The following EPB41L4A variants were observed in gnomAD, a reference collection of about 807,000 sequenced individuals.
EPB41L4A encodes the protein band 4.1-like protein 4A.
EPB41L4A carries 100 observed loss-of-function variants against 108.6 expected under a neutral mutation model. That is an observed-to-expected ratio of 0.92 (90% CI 0.78 to 1.09). The LOEUF is 1.09. EPB41L4A is among the 50% of genes least tolerant of loss of function. The pLI, the probability that EPB41L4A is intolerant of heterozygous loss-of-function variation, is 0.00. For missense variants in EPB41L4A, 1,030 were observed against 842.7 expected (o/e 1.22, Z -2.75); for synonymous variants, 319 against 289.0 (o/e 1.10, Z -1.05).
chr5:112,386,261 C>T (rs1026481640), intron 1 of EPB41L4A, among the ~76,000 whole-genome samples: 5 of 152,180 alleles, frequency 3.3e-5, no homozygotes, highest in African/African-American at 1.2e-4. Flanking sequence ...TAAACCCAGC[C>T]TACAAAATGG....
intron 4 of EPB41L4A, among the ~76,000 whole-genome samples, chr5:112,266,652 C>G (rs1751883908): frequency 6.6e-6 from 1 of 152,192 alleles, no homozygotes; most frequent in South Asian, 2.1e-4. Context: ...AAAACTGGAA[C>G]AGTTGACAGC....
intron 1 of EPB41L4A, among the ~76,000 whole-genome samples, chr5:112,338,153 A>T (rs1178665027): frequency 6.6e-6 from 1 of 152,122 alleles, no homozygotes; most frequent in Non-Finnish European, 1.5e-5. Flanking sequence ...GCCCATGAAT[A>T]CAGTGAAATT....
chr5:112,364,609 C>T (rs765713101), intron 1 of EPB41L4A, among the ~76,000 whole-genome samples: 2 of 152,174 alleles, frequency 1.3e-5, no homozygotes, highest in Non-Finnish European at 2.9e-5. Flanking sequence ...AAAAGAAAAT[C>T]ATGCTATAGT....
At chr5:112,170,410 G>A (rs771588577) in intron 19 of EPB41L4A, 41 bp from the exon 20 acceptor site, 11 of 1,278,524 alleles carry the variant, frequency 8.6e-6, no homozygotes, top group Non-Finnish European at 1.1e-5. Flanking sequence ...TGTGGTGCTG[G>A]TATAAATGCT....
At chr5:112,204,989 C>A (rs1169549424) in intron 14 of EPB41L4A, among the ~76,000 whole-genome samples, 1 of 152,132 alleles carries the variant, frequency 6.6e-6, no homozygotes, top group Non-Finnish European at 1.5e-5. Flanking sequence ...AGGTCTGTCA[C>A]TGGTTTGGTA....
At chr5:112,406,497 T>G (rs1310021466) in intron 1 of EPB41L4A, among the ~76,000 whole-genome samples, 1 of 152,124 alleles carries the variant, frequency 6.6e-6, no homozygotes, top group African/African-American at 2.4e-5. Context: ...CCATCTCTTA[T>G]GTAATTTTTT....
chr5:112,341,467 C>T (rs1736904147), intron 1 of EPB41L4A, among the ~76,000 whole-genome samples: 1 of 152,164 alleles, frequency 6.6e-6, no homozygotes, highest in South Asian at 2.1e-4. Flanking sequence ...TTTAAAGTAT[C>T]TGATGCTTTA....
chr5:112,326,905 G>C (rs1038764662), intron 1 of EPB41L4A, among the ~76,000 whole-genome samples: 1 of 151,976 alleles, frequency 6.6e-6, no homozygotes, highest in African/African-American at 2.4e-5. Flanking sequence ...ATTGAACTCA[G>C]GATTCATTAA....
Position 112,246,236 on chromosome 5 carries a change from T to C in EPB41L4A, c.796-5426A>G, listed in dbSNP as rs139755270. On this transcript the variant is annotated intron_variant, in intron 9 of 22. Transcript: ENST00000261486. ...AGTCATGCGTTGTATAAGGATGTCT[T>C]GGTCAATGATGGATCGCATATACAA... Among the ~76,000 whole-genome samples, 312 of 152,292 alleles carry C rather than the reference T, an allele frequency of 2.0e-3. 1 individual carries two copies. Among genetic ancestry groups the C allele is most frequent in the African/African-American group, 7.3e-3 (303 of 41,554 alleles).
chr5:112,378,821 T>C lies in EPB41L4A; in HGVS notation c.99+40120A>G, dbSNP rs75984350. Among the ~76,000 whole-genome samples, 1,518 of 152,296 alleles carry C rather than the reference T, an allele frequency of 1.0e-2. 30 individuals carry two copies. Among genetic ancestry groups the C allele is most frequent in the African/African-American group, 0.034 (1,417 of 41,572 alleles). On this transcript the variant is annotated intron_variant, in intron 1 of 22. Coordinates refer to ENST00000261486, the MANE Select transcript of EPB41L4A (RefSeq NM_022140.5). ...TCGTTATTCCAGGAAGGAGGAAACA[T>C]GGGCTGTTTGAATGGCTGGTAGGGT...
intron 5 of EPB41L4A, 105 bp downstream of exon 5, chr5:112,266,128 C>T: frequency 1.2e-6 from 1 of 815,942 alleles, no homozygotes; most frequent in Non-Finnish European, 1.9e-6. Flanking sequence ...CTTTTTTTTG[C>T]AAAATCTCAT....
At chr5:112,273,429 G>A (rs1015951038) in intron 4 of EPB41L4A, among the ~76,000 whole-genome samples, 2 of 152,204 alleles carry the variant, frequency 1.3e-5, no homozygotes, top group Non-Finnish European at 2.9e-5. Context: ...CAGAGGTGAA[G>A]TAATGCATTA....
chr5:112,274,179 C>T (rs1016918169), intron 4 of EPB41L4A, among the ~76,000 whole-genome samples: 28 of 151,988 alleles, frequency 1.8e-4, no homozygotes, highest in African/African-American at 6.5e-4. Flanking sequence ...ACTCCTGAGG[C>T]TGAGGCGGGA....
At position 112,234,626 on chromosome 5, in the gene EPB41L4A, T is replaced by C; in HGVS notation, c.1087+8A>G. 1 of 1,612,218 alleles carries C rather than the reference T, an allele frequency of 6.2e-7. No homozygotes were observed. The highest frequency in any genetic ancestry group is 8.5e-7 in the Non-Finnish European group (1 of 1,178,674). On this transcript the variant is annotated splice_region_variant and intron_variant, in intron 12 of 22. Transcript: ENST00000261486. ...TTACATAGATAACTCAGGGGAACCA[T>C]GACTTACCAGCTGGCTGTGTTTGTG...
At chr5:112,317,457 A>G (rs1755501722) in intron 1 of EPB41L4A, among the ~76,000 whole-genome samples, 1 of 152,214 alleles carries the variant, frequency 6.6e-6, no homozygotes, top group African/African-American at 2.4e-5. Context: ...AGAGACTCCA[A>G]CCCAGAAATA....
intron 1 of EPB41L4A, among the ~76,000 whole-genome samples, chr5:112,362,847 G>C (rs958318957): frequency 6.6e-6 from 1 of 151,926 alleles, no homozygotes; most frequent in African/African-American, 2.4e-5. Flanking sequence ...TCTCAAACCT[G>C]ATCTGATGGC....
intron 2 of EPB41L4A, among the ~76,000 whole-genome samples, chr5:112,296,997 A>T (rs1386184769): frequency 6.7e-6 from 1 of 148,214 alleles, no homozygotes; most frequent in East Asian, 1.9e-4. Flanking sequence ...ACATACACAC[A>T]CACACACACA....
intron 1 of EPB41L4A, among the ~76,000 whole-genome samples, chr5:112,323,129 A>C (rs1218213681): frequency 6.6e-6 from 1 of 152,166 alleles, no homozygotes; most frequent in Non-Finnish European, 1.5e-5. Context: ...GAGATGTGGA[A>C]GATGTAACCA....
chr5:112,226,910 T>C (rs1580472301), intron 12 of EPB41L4A, among the ~76,000 whole-genome samples: 1 of 151,434 alleles, frequency 6.6e-6, no homozygotes, highest in African/African-American at 2.4e-5. Flanking sequence ...AATGTGAATA[T>C]ATTTAATACT....
Sources: gnomAD v4.1 joint callset for allele counts (sites outside exome capture counted in the v4.1 genomes callset) on GRCh38, gnomAD v4.1.1 for gene constraint, MANE v1.5 for transcripts, NCBI Gene and HGNC (gene_info 2026-07-23, HGNC 2026-07-21) for gene names.